Variants in CFAP299 observed in about 807,000 individuals in gnomAD.
The protein encoded by CFAP299 is cilia and flagella associated protein 299, also known as cilia- and flagella-associated protein 299.
In CFAP299, 21 loss-of-function variants were observed where a neutral mutation model predicts 27.0. The ratio of observed to expected loss-of-function variants is 0.78; its 90% CI spans 0.55 to 1.12. CFAP299 has a LOEUF of 1.12. Ranked by LOEUF, CFAP299 falls within the 50% of genes most tolerant of loss-of-function variation. The pLI is 0.00. For synonymous variants in CFAP299, 104 were observed against 98.1 expected, an observed-to-expected ratio of 1.06 and a Z score of -0.36; for missense variants, 310 against 276.6, an observed-to-expected ratio of 1.12 and a Z score of -0.86.
At chr4:80,560,657 A>G (rs925813057) in intron 2 of CFAP299, among the ~76,000 whole-genome samples, 2 of 152,122 alleles carry the variant, frequency 1.3e-5, no homozygotes, top group East Asian at 1.9e-4. Context: ...CCTTAAGAGA[A>G]CATCAGTGGT....
At chr4:80,777,502 G>A (rs947738937) in intron 3 of CFAP299, among the ~76,000 whole-genome samples, 3 of 152,068 alleles carry the variant, frequency 2.0e-5, no homozygotes, top group Admixed American at 6.6e-5. Flanking sequence ...TCTCAGCCTG[G>A]CATACAGAGA....
chr4:80,322,843 GC>G, the CFAP299 span, among the ~76,000 whole-genome samples: 1 of 152,170 alleles, frequency 6.6e-6, no homozygotes, highest in Non-Finnish European at 1.5e-5. Context: ...CCACATTACA[GC>G]CTTCACCTGT....
intron 2 of CFAP299, among the ~76,000 whole-genome samples, chr4:80,497,180 G>A (rs1203946039): frequency 6.6e-6 from 1 of 152,146 alleles, no homozygotes; most frequent in African/African-American, 2.4e-5. Flanking sequence ...AGAGGCTGGA[G>A]GATTGCTTTA....
chr4:80,581,453 G>GATAGATATATATATATATATATATATAT (rs1212459486), intron 2 of CFAP299, among the ~76,000 whole-genome samples: 2 of 103,032 alleles, frequency 1.9e-5, no homozygotes, highest in African/African-American at 6.3e-5. Context: ...TATTAAGTGA[G>GATAGATATATATATATATATATATATAT]ATATATATAT....
At chr4:80,692,530 A>G (rs931006419) in intron 3 of CFAP299, among the ~76,000 whole-genome samples, 11 of 152,220 alleles carry the variant, frequency 7.2e-5, no homozygotes, top group African/African-American at 2.7e-4. Flanking sequence ...CTTACACCTT[A>G]TACAAAAATC....
At chr4:80,460,564 G>C (rs1262691085) in intron 2 of CFAP299, among the ~76,000 whole-genome samples, 1 of 152,032 alleles carries the variant, frequency 6.6e-6, no homozygotes, top group Non-Finnish European at 1.5e-5. Flanking sequence ...TTCACTAATG[G>C]CTTCCTAACT....
At chr4:80,782,307 G>GA (rs1212892163) in intron 3 of CFAP299, among the ~76,000 whole-genome samples, 4 of 151,692 alleles carry the variant, frequency 2.6e-5, no homozygotes, top group Non-Finnish European at 5.9e-5. Flanking sequence ...CCCATGGATG[G>GA]AAAGAGATAG....
chr4:80,952,026 G>A (rs1737807364), intron 5 of CFAP299, among the ~76,000 whole-genome samples: 1 of 152,116 alleles, frequency 6.6e-6, no homozygotes, highest in Non-Finnish European at 1.5e-5. Context: ...GAGGTTTTAC[G>A]CATTCTTTGC....
chr4:80,598,991 G>A (rs1240392048), intron 3 of CFAP299, among the ~76,000 whole-genome samples: 1 of 152,102 alleles, frequency 6.6e-6, no homozygotes, highest in East Asian at 1.9e-4. Context: ...GATGGTATGC[G>A]GCATGCCTAA....
At chr4:80,947,596 G>A (rs1737540891) in intron 5 of CFAP299, among the ~76,000 whole-genome samples, 1 of 152,044 alleles carries the variant, frequency 6.6e-6, no homozygotes. Flanking sequence ...TGCCTCGACT[G>A]GGACCAGAAG....
intron 2 of CFAP299, among the ~76,000 whole-genome samples, chr4:80,374,081 C>A (rs1300652759): frequency 6.6e-6 from 1 of 152,132 alleles, no homozygotes; most frequent in Non-Finnish European, 1.5e-5. Context: ...ATTGCTTGTT[C>A]CAGGTTTCTT....
intron 3 of CFAP299, among the ~76,000 whole-genome samples, chr4:80,736,961 C>T (rs1213569069): frequency 6.6e-6 from 1 of 152,102 alleles, no homozygotes; most frequent in Non-Finnish European, 1.5e-5. Flanking sequence ...GGCACATATA[C>T]ACCATGGAAT....
At chr4:80,725,476 A>G (rs1017870267) in intron 3 of CFAP299, among the ~76,000 whole-genome samples, 3 of 152,260 alleles carry the variant, frequency 2.0e-5, no homozygotes, top group East Asian at 1.9e-4. Flanking sequence ...GAAAGTTCTG[A>G]AAAGCTAATT....
At chr4:80,769,193 C>A (rs1244779821) in intron 3 of CFAP299, among the ~76,000 whole-genome samples, 1 of 152,146 alleles carries the variant, frequency 6.6e-6, no homozygotes, top group Non-Finnish European at 1.5e-5. Flanking sequence ...AGGTGCCTGA[C>A]ATTTTGCTTT....
In CFAP299 at chr4:80,386,613, C is replaced by G. The variant is rs1171539258; in HGVS notation, c.242+23729C>G. The stretch of plus-strand genomic sequence containing the variant: ...TATTTGTGGCGGAAAAAGCCCTTGG[C>G]ACAGCCAGCATAGCGGAACTTGTAG... On this transcript the variant is annotated intron_variant, in intron 2 of 5. Transcript: ENST00000358105. 5 of 1,598,294 alleles carry G rather than the reference C, an allele frequency of 3.1e-6. No individual in the cohort carries two copies. The South Asian group carries it at 5.5e-5, about 18-fold the overall frequency.
At chr4:80,446,524 G>A (rs1728622746) in intron 2 of CFAP299, among the ~76,000 whole-genome samples, 1 of 152,116 alleles carries the variant, frequency 6.6e-6, no homozygotes, top group Non-Finnish European at 1.5e-5. Flanking sequence ...CTCTACTTAA[G>A]TAATCTTATC....
In CFAP299 at chr4:80,672,567, T is replaced by G. The variant is rs182806044; in HGVS notation, c.333+89384T>G. 5.1e-3 allele frequency among the ~76,000 whole-genome samples: 771 copies of G among 152,346 alleles called. 5 individuals are homozygous for G. The highest frequency in any genetic ancestry group is 0.02 in the Middle Eastern group (6 of 294). On this transcript the variant is annotated intron_variant, in intron 3 of 5. Transcript: ENST00000358105. ...TCTTTTTCTATTGGTGGGAATAGTT[T>G]CAGAAGGAATGGTACCAGCTCCTAT...
intron 3 of CFAP299, among the ~76,000 whole-genome samples, chr4:80,642,654 C>T (rs1739787020): frequency 6.6e-6 from 1 of 152,098 alleles, no homozygotes; most frequent in Middle Eastern, 3.2e-3. Flanking sequence ...GTCCCAGCTA[C>T]TCAAGTGGCT....
chr4:80,722,175 T>C (rs1181625054), intron 3 of CFAP299, among the ~76,000 whole-genome samples: 1 of 152,156 alleles, frequency 6.6e-6, no homozygotes, highest in East Asian at 1.9e-4. Flanking sequence ...CTCAGCACTT[T>C]GGGAGGCTGA....
Sources: allele counts gnomAD v4.1 joint callset (sites outside exome capture counted in the v4.1 genomes callset), GRCh38; gene constraint gnomAD v4.1.1; transcripts MANE v1.5; gene names NCBI Gene and HGNC (gene_info 2026-07-23, HGNC 2026-07-21).